The following DNAH9 variants were observed in gnomAD, a reference collection of about 807,000 sequenced individuals.
The protein encoded by DNAH9 is DNAH9 variant protein.
DNAH9 carries 345 observed loss-of-function variants against 471.6 expected under a neutral mutation model. The observed-to-expected ratio is 0.73, with a 90% CI of 0.67 to 0.80. The LOEUF (loss-of-function observed/expected upper bound fraction) is 0.80. Among genes scored for constraint, DNAH9 ranks in the 30% least tolerant of loss-of-function variants. The pLI is 0.00. For synonymous variants in DNAH9, 2,093 were observed against 2,123.6 expected (o/e 0.99, Z 0.40); for missense variants, 5,407 against 5,609.2 (o/e 0.96, Z 1.15).
At chr17:11,721,967 T>C (rs2075067815) in intron 27 of DNAH9, among the ~76,000 whole-genome samples, 1 of 152,176 alleles carries the variant, frequency 6.6e-6, no homozygotes, top group South Asian at 2.1e-4. Flanking sequence ...TCACACATTC[T>C]AACCCATTAG....
intron 31 of DNAH9, among the ~76,000 whole-genome samples, chr17:11,746,577 T>C (rs985067324): frequency 4.6e-5 from 7 of 152,044 alleles, no homozygotes; most frequent in Admixed American, 2.0e-4. Flanking sequence ...TGGGGGAAAC[T>C]GCCCCCATGA....
intron 28 of DNAH9, among the ~76,000 whole-genome samples, chr17:11,736,191 CT>C (rs2075343257): frequency 6.6e-6 from 1 of 152,140 alleles, no homozygotes; most frequent in Non-Finnish European, 1.5e-5. Context: ...GACTACCTAT[CT>C]TAGACAACTG....
At chr17:11,960,940 G>A (rs1460680720) in intron 67 of DNAH9, among the ~76,000 whole-genome samples, 2 of 152,174 alleles carry the variant, frequency 1.3e-5, no homozygotes, top group Non-Finnish European at 2.9e-5. Context: ...ACCTATTACA[G>A]AAACCACAAC....
intron 49 of DNAH9, among the ~76,000 whole-genome samples, chr17:11,843,863 G>GTGTATATATATATATA (rs1253794533): frequency 1.9e-4 from 9 of 46,464 alleles, no homozygotes; most frequent in African/African-American, 6.5e-4. Context: ...GTGTGTGTGT[G>GTGTATATATATATATA]TATATATATA....
At chr17:11,950,700 TATAAC>T (rs1286014750) in intron 67 of DNAH9, among the ~76,000 whole-genome samples, 3 of 152,158 alleles carry the variant, frequency 2.0e-5, no homozygotes, top group South Asian at 4.1e-4. Context: ...TATCTCTTCT[TATAAC>T]AAAACTTACA....
chr17:11,670,206 C>T (rs904301937), intron 17 of DNAH9, among the ~76,000 whole-genome samples: 1 of 152,176 alleles, frequency 6.6e-6, no homozygotes, highest in African/African-American at 2.4e-5. Flanking sequence ...ATGGATGTCA[C>T]TAAAACTCTG....
chr17:11,675,717 T>G (rs1425638577), intron 17 of DNAH9, among the ~76,000 whole-genome samples: 1 of 152,194 alleles, frequency 6.6e-6, no homozygotes, highest in East Asian at 1.9e-4. Flanking sequence ...CCTCAAGATG[T>G]TAAAGTGGTG....
chr17:11,676,244 C>G (rs976494187), intron 17 of DNAH9, among the ~76,000 whole-genome samples: 1 of 150,590 alleles, frequency 6.6e-6, no homozygotes, highest in Non-Finnish European at 1.5e-5. Context: ...CTCTGCAAAG[C>G]CTATGGTGTC....
intron 61 of DNAH9, among the ~76,000 whole-genome samples, chr17:11,914,910 T>A (rs1973892045): frequency 6.6e-6 from 1 of 152,154 alleles, no homozygotes. Context: ...TTCTGTTATA[T>A]TTAGTAAATG....
chr17:11,807,836 G>A lies in DNAH9; in HGVS notation c.8525G>A (p.Ser2842Asn), dbSNP rs1969749056. 12 of 1,613,954 alleles carry A rather than the reference G, an allele frequency of 7.4e-6. No individual in the cohort carries two copies. The highest frequency in any genetic ancestry group is 8.5e-6 in the Non-Finnish European group (10 of 1,179,952). Residue 2842 changes from serine to asparagine, a missense_variant, in exon 44 of 69, where the codon AGC becomes AAC. This residue lies in a region of DNAH9 where 4,636 missense variants were observed against 4,900.3 expected (regional missense o/e 0.95). Transcript: ENST00000262442. ...CTGACAAGGCTGGCAGCTTTCATCA[G>A]CTCCATGGATGTCTTCCAGATCACA... ...QSLTRLAAFI[S>N]SMDVFQITLR... is the part of the protein sequence containing the mutation.
chr17:11,784,499 A>G lies in DNAH9; in HGVS notation c.8021A>G (p.His2674Arg). Residue 2674 changes from histidine to arginine, a missense_variant, in exon 41 of 69, where the codon CAC becomes CGC. By Grantham distance (29) the His-to-Arg change is conservative (BLOSUM62 0). Coordinates refer to ENST00000262442, the MANE Select transcript of DNAH9 (RefSeq NM_001372.4). ...TTFLPTGIKFHYIFNLRDFAN... is the reference protein window; with the variant it reads ...TTFLPTGIKFRYIFNLRDFAN... ...TTCCTACCCACAGGAATCAAATTCCACTACATCTTCAACCTCAGAGATTTT... is the reference window on the plus strand; with the variant it reads ...TTCCTACCCACAGGAATCAAATTCCGCTACATCTTCAACCTCAGAGATTTT... 6 of 1,614,212 alleles carry G rather than the reference A, an allele frequency of 3.7e-6. No individual in the cohort carries two copies. The highest frequency in any genetic ancestry group is 5.1e-6 in the Non-Finnish European group (6 of 1,180,034).
At chr17:11,859,953 C>G (rs1160692260) in intron 50 of DNAH9, among the ~76,000 whole-genome samples, 1 of 152,184 alleles carries the variant, frequency 6.6e-6, no homozygotes. Context: ...CAAGATGACA[C>G]TCTTACCCCT....
chr17:11,729,901 G>T (rs566670825), intron 28 of DNAH9, among the ~76,000 whole-genome samples: 1 of 152,168 alleles, frequency 6.6e-6, no homozygotes, highest in African/African-American at 2.4e-5. Context: ...CAGACCATCC[G>T]CAAATCCATG....
chr17:11,903,353 T>TA (rs796649993), intron 60 of DNAH9, among the ~76,000 whole-genome samples: 4,090 of 130,242 alleles, frequency 0.031, 150 homozygotes, highest in African/African-American at 0.098. Flanking sequence ...AAGTAAAAAA[T>TA]AAAAAAAAAA....
chr17:11,854,025 C>A lies in DNAH9; in HGVS notation c.9530C>A (p.Ser3177Ter), dbSNP rs1862625399. 1 of 1,613,912 alleles carries A rather than the reference C, an allele frequency of 6.2e-7. No individual in the cohort carries two copies. Among genetic ancestry groups the A allele is most frequent in the African/African-American group, 1.3e-5 (1 of 74,926 alleles). ...CAGACCAACCTGACAGAGCTGAAGT[C>A]ATTTGGCTCTCCGCCTCTGGCCGTC... Reference protein sequence around the residue: ...LNKTNLTELKSFGSPPLAVSN... With the variant: ...LNKTNLTELK The change falls in exon 50 of 69, where the codon TCA (serine) becomes TAA (stop). Residue 3177 changes from serine to a stop codon, truncating the protein, a stop_gained. Coordinates refer to ENST00000262442, the MANE Select transcript of DNAH9 (RefSeq NM_001372.4). LOFTEE classifies it high-confidence loss of function.
chr17:11,715,769 G>T (rs1188268085), intron 26 of DNAH9, among the ~76,000 whole-genome samples: 2 of 152,108 alleles, frequency 1.3e-5, no homozygotes, highest in African/African-American at 4.8e-5. Flanking sequence ...TGTTTTTAAG[G>T]TACAAAGAAG....
chr17:11,715,620 T>C (rs1171782648), intron 26 of DNAH9, among the ~76,000 whole-genome samples: 1 of 152,216 alleles, frequency 6.6e-6, no homozygotes, highest in Non-Finnish European at 1.5e-5. Flanking sequence ...CATATCCATG[T>C]TGGGACTCAT....
At chr17:11,730,954 ATGG>A (rs532307979) in intron 28 of DNAH9, among the ~76,000 whole-genome samples, 7 of 57,826 alleles carry the variant, frequency 1.2e-4, no homozygotes, top group African/African-American at 1.9e-4. Flanking sequence ...GATGATGATG[ATGG>A]TGGTGGTGAT....
intron 50 of DNAH9, among the ~76,000 whole-genome samples, chr17:11,858,493 A>G (rs1359640169): frequency 6.6e-6 from 1 of 152,232 alleles, no homozygotes; most frequent in Non-Finnish European, 1.5e-5. Flanking sequence ...CCTAGAGTCA[A>G]GTAATGGCTT....
Sources: gnomAD v4.1 joint callset for allele counts (sites outside exome capture counted in the v4.1 genomes callset) on GRCh38, gnomAD v4.1.1 for gene constraint, gnomAD v4.1.1 regional missense constraint, MANE v1.5 for transcripts, NCBI Gene and HGNC (gene_info 2026-07-23, HGNC 2026-07-21) for gene names.